EIF6: variants seen among roughly 807,000 people sequenced by gnomAD.
The protein encoded by EIF6 is eukaryotic translation initiation factor 6, also known as B4 integrin interactor.
In EIF6, 10 loss-of-function variants were observed where a neutral mutation model predicts 25.5. That is an observed-to-expected ratio of 0.39 (90% confidence interval 0.24 to 0.66). The LOEUF is 0.66. Among genes scored for constraint, EIF6 ranks in the 30% least tolerant of loss-of-function variants. EIF6 has a pLI of 0.45. For missense variants in EIF6, 246 were observed against 315.4 expected (o/e 0.78, Z 1.67); for synonymous variants, 122 against 122.6 (o/e 1.00, Z 0.03).
intron 3 of EIF6, among the ~76,000 whole-genome samples, chr20:35,282,670 T>A (rs2060786412): frequency 6.6e-6 from 1 of 151,690 alleles, no homozygotes. Context: ...AATGGCACAA[T>A]CTCAGCTCAC....
At chr20:35,281,315 G>A (rs2060773337) in intron 3 of EIF6, among the ~76,000 whole-genome samples, 1 of 151,616 alleles carries the variant, frequency 6.6e-6, no homozygotes, top group Non-Finnish European at 1.5e-5. Flanking sequence ...GAACCCGGGA[G>A]GCGGAGCTTG....
At chr20:35,282,082 C>A (rs373317976) in intron 3 of EIF6, among the ~76,000 whole-genome samples, 1 of 151,870 alleles carries the variant, frequency 6.6e-6, no homozygotes. Context: ...TCTACCTCCC[C>A]GGTTCACACC....
At position 35,280,773 on chromosome 20, in the gene EIF6, T is replaced by C. The variant is rs369629636; in HGVS notation, c.250A>G (p.Ile84Val). ...ACTGTGTCTGGGAGGCTGTTGCGAA[T>C]GTGTTGCAGCTCCTGGTCGGTGGTA... The part of the protein sequence containing the change: ...NNTTDQELQH[I>V]RNSLPDTVQI... The change falls in exon 4 of 7, where the codon ATT becomes GTT. Residue 84 changes from isoleucine (I) to valine (V), a missense_variant. Physicochemically the swap from Ile to Val is conservative, Grantham distance 29 (BLOSUM62 3). Coordinates refer to ENST00000374450, the MANE Select transcript of EIF6 (RefSeq NM_002212.4). 8 of 1,614,194 alleles carry C rather than the reference T, an allele frequency of 5.0e-6. No homozygotes were observed. Among genetic ancestry groups the C allele is most frequent in the Non-Finnish European group, 6.8e-6 (8 of 1,180,038 alleles).
Position 35,284,506 on chromosome 20 carries a change from A to G in EIF6, c.-5-14T>C. The G allele has an allele frequency of 6.3e-7, 1 of 1,585,996 alleles. No individual in the cohort carries two copies. The highest frequency in any genetic ancestry group is 8.6e-7 in the Non-Finnish European group (1 of 1,160,084). On this transcript the variant is annotated splice_polypyrimidine_tract_variant and intron_variant, in intron 1 of 6. Transcript: ENST00000374450. Reference sequence around the variant, plus strand: ...CCGCCATGAGGCCTAGGGGCGGCGGAGGCGGGAGTTCAAGGCCGGCGGATC... The same window carrying G: ...CCGCCATGAGGCCTAGGGGCGGCGGGGGCGGGAGTTCAAGGCCGGCGGATC...
rs775211307 is a variant in EIF6, at chr20:35,280,738, C to T, written c.285G>A (p.Arg95=). 2.4e-5 allele frequency: 39 copies of T among 1,613,976 alleles called. No individual in the cohort carries two copies. The highest frequency in any genetic ancestry group is 5.0e-5 in the Admixed American group (3 of 59,986). ...AGGCTGAGAGCCGCTCCTCCACCCGCCTAATCTGCACTGTGTCTGGGAGGC... is the reference window on the plus strand; with the variant it reads ...AGGCTGAGAGCCGCTCCTCCACCCGTCTAATCTGCACTGTGTCTGGGAGGC... The part of the protein sequence containing the change: ...RNSLPDTVQI[R]RVEERLSALG... Residue 95 remains arginine (R), a synonymous_variant, in exon 4 of 7, where the codon AGG becomes AGA. Transcript: ENST00000374450.
Position 35,279,586 on chromosome 20 carries a change from C to T in EIF6, c.708G>A (p.Met236Ile). 1 of 1,614,092 alleles carries T rather than the reference C, an allele frequency of 6.2e-7. No homozygotes were observed. Among genetic ancestry groups the T allele is most frequent in the Non-Finnish European group, 8.5e-7 (1 of 1,180,024 alleles). ...GGTACCTGTCAATGAGGGAATCCCG[C>T]ATGCTGGTGGCAATGGTGCTAGGCT... is the stretch of plus-strand genomic sequence containing the variant. Reference protein sequence around the residue: ...EAQPSTIATSMRDSLIDSLT With the variant: ...EAQPSTIATSIRDSLIDSLT Residue 236 changes from methionine (M) to isoleucine (I), a missense_variant, in exon 6 of 7, where the codon ATG becomes ATA. Met to Ile is a conservative substitution (Grantham distance 10, BLOSUM62 1). Transcript: ENST00000374450.
At chr20:35,279,229 G>A (rs76732128) in intron 6 of EIF6, 23 bp from the exon 7 acceptor site, 238 of 1,612,576 alleles carry the variant, frequency 1.5e-4, no homozygotes, top group Non-Finnish European at 1.7e-4. Flanking sequence ...GAAAGCGCAC[G>A]GTCAGTAGCT....
chr20:35,279,690 A>T lies in EIF6; in HGVS notation c.604T>A (p.Trp202Arg). The change falls in exon 6 of 7, where the codon TGG becomes AGG. Residue 202 changes from tryptophan (W) to arginine (R), a missense_variant. Physicochemically the swap from Trp to Arg is moderately radical, Grantham distance 101. Transcript: ENST00000374450. The part of the protein sequence containing the change: ...VIAAGMVVND[W>R]CAFCGLDTTS... ...GTGTCCAGGCCACAGAAGGCACACC[A>T]GTCATTCACCACCATCCCAGCAGCA... 1.2e-6 allele frequency: 2 copies of T among 1,614,180 alleles called. No individual in the cohort carries two copies. The highest frequency in any genetic ancestry group is 1.7e-6 in the Non-Finnish European group (2 of 1,180,036).
Position 35,279,644 on chromosome 20 carries a change from A to G in EIF6, c.650T>C (p.Val217Ala). 1 of 1,614,162 alleles carries G rather than the reference A, an allele frequency of 6.2e-7. No individual in the cohort carries two copies. Among genetic ancestry groups the G allele is most frequent in the Non-Finnish European group, 8.5e-7 (1 of 1,180,016 alleles). ...ATTCAGCTTGAAGACACTCTCCACC[A>G]CTGACAGCTCTGTGCTGGTTGTGTC... ...GLDTTSTELS[V>A]VESVFKLNEA... The change falls in exon 6 of 7, where the codon GTG becomes GCG. Residue 217 changes from valine (V) to alanine (A), a missense_variant. Physicochemically the swap from Val to Ala is moderately conservative, Grantham distance 64. Transcript: ENST00000374450.
intron 3 of EIF6, among the ~76,000 whole-genome samples, chr20:35,283,974 A>G (rs928251036): frequency 6.6e-6 from 1 of 152,112 alleles, no homozygotes; most frequent in African/African-American, 2.4e-5. Flanking sequence ...AGCACTTTAC[A>G]TTATTTGTTA....
chr20:35,280,833 G>C lies in EIF6; in HGVS notation c.194-4C>G. ...ACCAGGAGACCGTGCCTGTTCCCTG[G>C]AGAAACCCAAATTAGAGGGTGAATA... On this transcript the variant is annotated splice_polypyrimidine_tract_variant and splice_region_variant and intron_variant, in intron 3 of 6. Coordinates refer to ENST00000374450, the MANE Select transcript of EIF6 (RefSeq NM_002212.4). The C allele has an allele frequency of 6.2e-7, 1 of 1,613,544 alleles. No individual in the cohort carries two copies. The highest frequency in any genetic ancestry group is 1.1e-5 in the South Asian group (1 of 90,872).
rs140435555 is a variant in EIF6, at chr20:35,282,840, C to G, written c.193+1336G>C. Among the ~76,000 whole-genome samples, 333 of 152,064 alleles carry G rather than the reference C, an allele frequency of 2.2e-3. 12 individuals carry two copies. In the East Asian group the frequency reaches 0.062, roughly 28 times the overall value. The stretch of plus-strand genomic sequence containing the variant: ...GGTCAGGTTAGTCTCGAACTGCTGA[C>G]CTCAGGTGATCCACCTGCCTCGACC... On this transcript the variant is annotated intron_variant, in intron 3 of 6. Coordinates refer to ENST00000374450, the MANE Select transcript of EIF6 (RefSeq NM_002212.4).
intron 3 of EIF6, among the ~76,000 whole-genome samples, chr20:35,282,490 T>A (rs1427885475): frequency 6.6e-6 from 1 of 152,206 alleles, no homozygotes; most frequent in Non-Finnish European, 1.5e-5. Context: ...AAATCTCCCT[T>A]GTTGTCAGAA....
chr20:35,279,310 A>G, intron 6 of EIF6, 104 bp from the exon 7 acceptor site: 1 of 1,469,682 alleles, frequency 6.8e-7, no homozygotes, highest in Non-Finnish European at 9.4e-7. Context: ...CAGCTCTGAC[A>G]AGCTGCTCAA....
rs2060765284 is a variant in EIF6, at chr20:35,280,563, G to A, written c.369+91C>T. ...GCCCATATAGAAAAACCACAGGAGA[G>A]ACCCCTAATTGCTGCCTGTTGGGAA... On this transcript the variant is annotated intron_variant, in intron 4 of 6. Coordinates refer to ENST00000374450, the MANE Select transcript of EIF6 (RefSeq NM_002212.4). 23 of 1,470,476 alleles carry A rather than the reference G, an allele frequency of 1.6e-5. No homozygotes were observed. In the South Asian group the frequency reaches 2.8e-4, roughly 18 times the overall value. The allele number at this position is 1,470,476 out of a possible 1,614,324, so 91.1% of individuals were successfully genotyped here.
Position 35,284,277 on chromosome 20 carries a change from C to CTCGG in EIF6, c.108-20_108-17dup. ...CTCGAACACACTGTAGGGACATGGACTCGGTGGTGGCGGGGCAGAGGGGCC... is the reference window on the plus strand; with the variant it reads ...CTCGAACACACTGTAGGGACATGGACTCGGTCGGTGGTGGCGGGGCAGAGGGGCC... On this transcript the variant is annotated splice_polypyrimidine_tract_variant and intron_variant, in intron 2 of 6. Transcript: ENST00000374450. 6.2e-7 allele frequency: 1 copy of CTCGG among 1,613,880 alleles called. No individual in the cohort carries two copies. Among genetic ancestry groups the CTCGG allele is most frequent in the East Asian group, 2.2e-5 (1 of 44,868 alleles).
intron 3 of EIF6, among the ~76,000 whole-genome samples, chr20:35,281,631 A>C (rs576135332): frequency 6.6e-6 from 1 of 152,070 alleles, no homozygotes; most frequent in South Asian, 2.1e-4. Context: ...GATTTTGTAG[A>C]GATGGGGTCT....
intron 1 of EIF6, 22 bp downstream of exon 1, chr20:35,284,704 G>C: frequency 1.7e-6 from 1 of 597,948 alleles, no homozygotes; most frequent in Non-Finnish European, 2.9e-6. Flanking sequence ...GACCCTCCCA[G>C]GTTCCCCTCA....
intron 4 of EIF6, among the ~76,000 whole-genome samples, 192 bp downstream of exon 4, chr20:35,280,462 T>C (rs757756600): frequency 3.9e-5 from 6 of 152,184 alleles, no homozygotes; most frequent in Non-Finnish European, 5.9e-5. Flanking sequence ...GAAGGATTCA[T>C]ACCCTCCCCA....
Sources: gnomAD v4.1 joint callset for allele counts (sites outside exome capture counted in the v4.1 genomes callset) on GRCh38, gnomAD v4.1.1 for gene constraint, MANE v1.5 for transcripts, NCBI Gene and HGNC (gene_info 2026-07-23, HGNC 2026-07-21) for gene names.